FGF14: variants seen among roughly 807,000 people sequenced by gnomAD.
FGF14 encodes fibroblast growth factor homologous factor 4.
FGF14 carries 5 observed loss-of-function variants against 25.5 expected under a neutral mutation model. The observed-to-expected ratio is 0.20, with a 90% confidence interval of 0.10 to 0.41. The LOEUF is 0.41. Ranked by LOEUF, FGF14 falls within the 10% of genes least tolerant of loss-of-function variation. The probability of loss-of-function intolerance (pLI) is 1.00; values close to 1 mark genes in which losing one functional copy is unlikely to be tolerated. For missense variants in FGF14, 222 were observed against 320.1 expected (o/e 0.69, Z 2.34); for synonymous variants, 138 against 118.3 (o/e 1.17, Z -1.08).
chr13:101,924,004 A>G (rs1485216050), intron 1 of FGF14, among the ~76,000 whole-genome samples: 1 of 152,084 alleles, frequency 6.6e-6, no homozygotes, highest in East Asian at 1.9e-4. Context: ...ATGGGCATAG[A>G]AGTCATTTCT....
At chr13:101,891,001 G>A (rs1476038100) in intron 1 of FGF14, among the ~76,000 whole-genome samples, 1 of 152,096 alleles carries the variant, frequency 6.6e-6, no homozygotes, top group African/African-American at 2.4e-5. Context: ...AAGATCCAGT[G>A]GATGGTGGTT....
intron 1 of FGF14, among the ~76,000 whole-genome samples, chr13:101,965,166 T>C (rs1248744203): frequency 1.3e-5 from 2 of 151,982 alleles, no homozygotes; most frequent in African/African-American, 2.4e-5. Context: ...TGAGAATTGC[T>C]TGAATCCAGC....
At chr13:102,147,236 C>T (rs1044860078) in intron 1 of FGF14, among the ~76,000 whole-genome samples, 2 of 152,134 alleles carry the variant, frequency 1.3e-5, no homozygotes, top group African/African-American at 2.4e-5. Context: ...AGTGACTGAC[C>T]CAGGGAGCCT....
intron 1 of FGF14, among the ~76,000 whole-genome samples, chr13:102,267,124 T>TA (rs2141142259): frequency 6.6e-6 from 1 of 152,292 alleles, no homozygotes; most frequent in African/African-American, 2.4e-5. Context: ...AGACAAAAGA[T>TA]AAACTTTCTT....
Position 101,728,354 on chromosome 13 carries a change from G to A in FGF14, c.409-1544C>T, listed in dbSNP as rs566449877. ...TAGATCTTTATTTCTTCTTGATGAT[G>A]CTACCTCAGATTAGAATAAGATCCC... On this transcript the variant is annotated intron_variant, in intron 3 of 4. Coordinates refer to ENST00000376143, the MANE Select transcript of FGF14 (RefSeq NM_004115.4). Among the ~76,000 whole-genome samples the A allele has an allele frequency of 3.9e-5, 6 of 152,046 alleles. No homozygotes were observed. The South Asian group carries it at 6.2e-4, about 16-fold the overall frequency.
chr13:102,321,479 C>T (rs1457206606), intron 1 of FGF14, among the ~76,000 whole-genome samples: 3 of 152,084 alleles, frequency 2.0e-5, no homozygotes, highest in Non-Finnish European at 4.4e-5. Flanking sequence ...TCATTATAAA[C>T]ACAAATTTTC....
chr13:101,919,454 T>G (rs2033832051), upstream of FGF14, among the ~76,000 whole-genome samples: 4 of 151,652 alleles, frequency 2.6e-5, no homozygotes, highest in Admixed American at 2.6e-4. Flanking sequence ...TTGAAAAGAG[T>G]GACATTAAGC....
chr13:102,351,177 T>C (rs1360305247), intron 1 of FGF14, among the ~76,000 whole-genome samples: 1 of 152,082 alleles, frequency 6.6e-6, no homozygotes, highest in Non-Finnish European at 1.5e-5. Context: ...TATATTTCTT[T>C]CCTATGTGAA....
chr13:102,053,029 G>A (rs2042283408), intron 1 of FGF14, among the ~76,000 whole-genome samples: 2 of 151,916 alleles, frequency 1.3e-5, no homozygotes, highest in Admixed American at 6.6e-5. Flanking sequence ...AAAGCCTTAT[G>A]GTAACCACAA....
At position 102,031,355 on chromosome 13, in the gene FGF14, G is replaced by A. The variant is rs76412297; in HGVS notation, c.209-156059C>T. ...ACACACCATTTATTCCTCACAACGC[G>A]TTAGGTTTCCTTATGCACTTATGAT... On this transcript the variant is annotated intron_variant, in intron 1 of 4. Transcript: ENST00000376131. 5.3e-5 allele frequency among the ~76,000 whole-genome samples: 8 copies of A among 152,144 alleles called. No homozygotes were observed. In the East Asian group the frequency reaches 1.4e-3, roughly 26 times the overall value.
At chr13:101,765,698 A>ATTT (rs2038341571) in intron 3 of FGF14, among the ~76,000 whole-genome samples, 2 of 149,750 alleles carry the variant, frequency 1.3e-5, no homozygotes, top group African/African-American at 5.0e-5. Context: ...GAAGCCTTTT[A>ATTT]TTTATTATTA....
intron 1 of FGF14, among the ~76,000 whole-genome samples, chr13:101,890,349 A>T (rs1399079113): frequency 1.3e-5 from 2 of 152,110 alleles, no homozygotes; most frequent in Non-Finnish European, 2.9e-5. Flanking sequence ...CCTGAAAAAA[A>T]AAACACATTG....
chr13:102,268,194 C>T (rs2053082635), intron 1 of FGF14, among the ~76,000 whole-genome samples: 1 of 152,092 alleles, frequency 6.6e-6, no homozygotes, highest in South Asian at 2.1e-4. Context: ...CCACTGTCTC[C>T]ATGACATCCA....
At chr13:102,326,106 A>G (rs1270809320) in intron 1 of FGF14, among the ~76,000 whole-genome samples, 1 of 152,200 alleles carries the variant, frequency 6.6e-6, no homozygotes, top group Non-Finnish European at 1.5e-5. Flanking sequence ...GTATTGTTCA[A>G]TTCAAATTTT....
At chr13:101,770,960 C>A (rs1282667791) in intron 3 of FGF14, among the ~76,000 whole-genome samples, 34 of 151,970 alleles carry the variant, frequency 2.2e-4, no homozygotes, top group Admixed American at 2.2e-3. Context: ...ACAAAACACA[C>A]AGATTTAAAA....
chr13:101,943,845 T>TACA (rs2035624477), intron 1 of FGF14, among the ~76,000 whole-genome samples: 1 of 125,118 alleles, frequency 8.0e-6, no homozygotes, highest in African/African-American at 4.9e-5. Context: ...ATATATATAT[T>TACA]CACAAAATTA....
At chr13:102,014,691 T>C (rs185472514) in intron 1 of FGF14, among the ~76,000 whole-genome samples, 47 of 152,302 alleles carry the variant, frequency 3.1e-4, no homozygotes, top group Middle Eastern at 3.4e-3. Flanking sequence ...CATTTTCTAC[T>C]CCACAGTCAC....
intron 3 of FGF14, among the ~76,000 whole-genome samples, chr13:101,745,073 T>C (rs993692772): frequency 1.3e-5 from 2 of 152,132 alleles, no homozygotes; most frequent in East Asian, 1.9e-4. Context: ...TGGGAGAAAA[T>C]TAATATGTAA....
chr13:101,988,581 T>C (rs920966987), intron 1 of FGF14, among the ~76,000 whole-genome samples: 6 of 151,798 alleles, frequency 4.0e-5, no homozygotes, highest in Non-Finnish European at 5.9e-5. Context: ...CTGGAAACCA[T>C]CATTCTCAGC....
Sources: allele counts gnomAD v4.1 joint callset (sites outside exome capture counted in the v4.1 genomes callset), GRCh38; gene constraint gnomAD v4.1.1; transcripts MANE v1.5; gene names NCBI Gene and HGNC (gene_info 2026-07-23, HGNC 2026-07-21).